Variants in NBAS observed in about 807,000 individuals in gnomAD.
NBAS encodes the protein NAG/BC035112 fusion.
NBAS carries 219 observed loss-of-function variants against 302.5 expected under a neutral mutation model. The ratio of observed to expected loss-of-function variants is 0.72; its 90% CI spans 0.65 to 0.81. The LOEUF is 0.81. Among genes scored for constraint, NBAS ranks in the 30% least tolerant of loss-of-function variants. The pLI is 0.00. For synonymous variants in NBAS, 1,118 were observed against 1,021.6 expected (o/e 1.09, Z -1.80); for missense variants, 2,932 against 2,841.6 (o/e 1.03, Z -0.72).
At chr2:15,109,313 C>G in the NBAS span, among the ~76,000 whole-genome samples, 2 of 152,138 alleles carry the variant, frequency 1.3e-5, no homozygotes, top group Admixed American at 6.5e-5. Flanking sequence ...CAACAACCAA[C>G]AGTCATGAAT....
At chr2:15,050,824 T>C in the NBAS span, among the ~76,000 whole-genome samples, 1 of 152,200 alleles carries the variant, frequency 6.6e-6, no homozygotes, top group African/African-American at 2.4e-5. Context: ...AGTTCTTGTG[T>C]CTGTAAACAG....
intron 51 of NBAS, among the ~76,000 whole-genome samples, chr2:15,169,519 T>C (rs910307765): frequency 4.6e-5 from 7 of 152,148 alleles, no homozygotes; most frequent in African/African-American, 1.7e-4. Flanking sequence ...TGAGAGGCCC[T>C]TGAAGTCTTC....
intron 21 of NBAS, among the ~76,000 whole-genome samples, chr2:15,430,739 T>G (rs1677721657): frequency 6.6e-6 from 1 of 152,004 alleles, no homozygotes; most frequent in African/African-American, 2.4e-5. Flanking sequence ...CCCCAACCAT[T>G]TTTCCACCAT....
the NBAS span, among the ~76,000 whole-genome samples, chr2:14,999,939 G>A: frequency 1.3e-5 from 2 of 152,196 alleles, no homozygotes; most frequent in Non-Finnish European, 2.9e-5. Context: ...ACCAGATGAT[G>A]TGGTAAATGA....
intron 32 of NBAS, among the ~76,000 whole-genome samples, chr2:15,357,437 G>C (rs1335219089): frequency 6.6e-6 from 1 of 152,120 alleles, no homozygotes. Context: ...ATGAGCATAA[G>C]TTTACTTTTA....
chr2:14,939,390 T>G, the NBAS span, among the ~76,000 whole-genome samples: 1 of 152,246 alleles, frequency 6.6e-6, no homozygotes, highest in Non-Finnish European at 1.5e-5. Context: ...TTTCAATAAT[T>G]TAATTGTTGC....
chr2:15,560,733 T>C (rs1573018994), intron 1 of NBAS, among the ~76,000 whole-genome samples: 1 of 152,202 alleles, frequency 6.6e-6, no homozygotes, highest in East Asian at 1.9e-4. Flanking sequence ...TGTAAGGTCC[T>C]GGAAAATTCT....
the NBAS span, among the ~76,000 whole-genome samples, chr2:15,144,059 A>ATATATATTATCC: frequency 3.6e-5 from 5 of 140,536 alleles, no homozygotes; most frequent in South Asian, 4.6e-4. Flanking sequence ...ATATATATAT[A>ATATATATTATCC]TATATATATC....
chr2:15,116,758 C>A, the NBAS span, among the ~76,000 whole-genome samples: 1 of 152,270 alleles, frequency 6.6e-6, no homozygotes, highest in South Asian at 2.1e-4. Context: ...AGCATTATTA[C>A]ATCACATTTG....
At chr2:15,253,390 T>C (rs1453734150) in intron 44 of NBAS, among the ~76,000 whole-genome samples, 1 of 152,058 alleles carries the variant, frequency 6.6e-6, no homozygotes, top group Non-Finnish European at 1.5e-5. Context: ...AATGTGTGTA[T>C]GCGTGTGCTT....
chr2:15,014,872 C>A, the NBAS span, among the ~76,000 whole-genome samples: 1 of 150,902 alleles, frequency 6.6e-6, no homozygotes, highest in Non-Finnish European at 1.5e-5. Context: ...AAAAGATAAA[C>A]AAAATTGACA....
At chr2:15,221,221 T>G (rs536285061) in intron 47 of NBAS, among the ~76,000 whole-genome samples, 3 of 152,188 alleles carry the variant, frequency 2.0e-5, no homozygotes, top group African/African-American at 4.8e-5. Flanking sequence ...TGGACCTAAC[T>G]GAATCCTGGC....
chr2:15,170,939 A>G (rs955382279), intron 51 of NBAS, among the ~76,000 whole-genome samples: 1 of 152,070 alleles, frequency 6.6e-6, no homozygotes, highest in Admixed American at 6.5e-5. Flanking sequence ...TCCTGTCCCA[A>G]AGCACTCTCC....
chr2:15,289,890 G>A (rs1298231202), intron 41 of NBAS, among the ~76,000 whole-genome samples: 1 of 152,096 alleles, frequency 6.6e-6, no homozygotes, highest in Non-Finnish European at 1.5e-5. Context: ...CCAGCTACTC[G>A]AGAGGTTGAG....
chr2:14,840,388 C>A, the NBAS span, among the ~76,000 whole-genome samples: 1 of 151,914 alleles, frequency 6.6e-6, no homozygotes, highest in Admixed American at 6.6e-5. Flanking sequence ...TAACAAAAAA[C>A]ATTCCAAACC....
intron 32 of NBAS, among the ~76,000 whole-genome samples, chr2:15,359,601 T>G (rs1292898677): frequency 6.6e-6 from 1 of 152,186 alleles, no homozygotes; most frequent in Non-Finnish European, 1.5e-5. Context: ...TTTATTTCTT[T>G]ACATAAAATA....
chr2:15,417,574 G>A lies in NBAS; in HGVS notation c.2716C>T (p.Leu906Phe), dbSNP rs963563781. 1.9e-5 allele frequency: 30 copies of A among 1,613,794 alleles called. No homozygotes were observed. The highest frequency in any genetic ancestry group is 2.3e-5 in the Non-Finnish European group (27 of 1,179,922). ...RCDVTLTLKE[L>F]QQMKDIEKLR... ...TTTTCAATGTCTTTCATCTGCTGGA[G>A]TTCTTTCAGGGTTAGAGTTACATCA... Residue 906 changes from leucine (L) to phenylalanine (F), a missense_variant, in exon 24 of 52, where the codon CTC becomes TTC. Leu to Phe is a conservative substitution (Grantham distance 22). Transcript: ENST00000281513.
the NBAS span, among the ~76,000 whole-genome samples, chr2:14,972,042 T>G: frequency 2.0e-5 from 3 of 151,760 alleles, no homozygotes; most frequent in Non-Finnish European, 2.9e-5. Context: ...AACACAGAGA[T>G]ATGTACAGAG....
At chr2:15,389,425 A>G (rs1236270626) in intron 28 of NBAS, among the ~76,000 whole-genome samples, 1 of 152,224 alleles carries the variant, frequency 6.6e-6, no homozygotes, top group African/African-American at 2.4e-5. Flanking sequence ...TGCTGGCTAC[A>G]TGGGTATGGT....
Sources: allele counts gnomAD v4.1 joint callset (sites outside exome capture counted in the v4.1 genomes callset), GRCh38; gene constraint gnomAD v4.1.1; transcripts MANE v1.5; gene names NCBI Gene and HGNC (gene_info 2026-07-23, HGNC 2026-07-21).